SPINK6: variants seen among roughly 807,000 people sequenced by gnomAD.
SPINK6 encodes serine protease inhibitor Kazal-type 6.
A neutral mutation model predicts 11.7 loss-of-function variants in SPINK6; 13 were observed. That is an observed-to-expected ratio of 1.11 (90% CI 0.72 to 1.76). The LOEUF (loss-of-function observed/expected upper bound fraction) is 1.76, where lower values mean the gene tolerates loss of function less well. SPINK6 is among the 40% of genes most tolerant of loss of function. SPINK6 has a pLI of 0.00. For missense variants in SPINK6, 98 were observed against 93.7 expected (o/e 1.05, Z -0.19); for synonymous variants, 21 against 31.9 (o/e 0.66, Z 1.15).
chr5:148,212,538 AAG>A (rs369231333), intron 2 of SPINK6, among the ~76,000 whole-genome samples: 3 of 63,480 alleles, frequency 4.7e-5, no homozygotes, highest in South Asian at 4.6e-4. Flanking sequence ...TATTTTATAT[AAG>A]TATATATTTA....
intron 2 of SPINK6, among the ~76,000 whole-genome samples, chr5:148,211,106 TC>T (rs951379338): frequency 6.6e-6 from 1 of 151,954 alleles, no homozygotes; most frequent in Non-Finnish European, 1.5e-5. Flanking sequence ...AGCTCAAATT[TC>T]CAGAAGCAAT....
intron 2 of SPINK6, among the ~76,000 whole-genome samples, chr5:148,207,363 C>G (rs996680315): frequency 6.6e-6 from 1 of 151,216 alleles, no homozygotes; most frequent in African/African-American, 2.5e-5. Context: ...TTTTTTCTTA[C>G]AAACAGAGGT....
intron 2 of SPINK6, among the ~76,000 whole-genome samples, chr5:148,210,801 C>T (rs1396502093): frequency 6.6e-6 from 1 of 151,570 alleles, no homozygotes; most frequent in Non-Finnish European, 1.5e-5. Context: ...TTTAAAACAA[C>T]CAATAGATGT....
In SPINK6 at chr5:148,215,081, C is replaced by T. The variant is rs568835528; in HGVS notation, c.*131C>T. On this transcript the variant is annotated 3_prime_UTR_variant, in exon 4 of 4. Transcript: ENST00000325630. ...TACTCTGCCTGGGTCTTGAGGAGTT[C>T]AATGTATGTCTATTTCTCTTGATTC... 77 of 692,468 alleles carry T rather than the reference C, an allele frequency of 1.1e-4. No individual in the cohort carries two copies. The highest frequency in any genetic ancestry group is 1.5e-4 in the Non-Finnish European group (62 of 405,968). 42.9% of individuals were successfully genotyped at this position (692,468 alleles called of 1,614,324 possible). A position where few individuals can be genotyped will look rare whatever the true frequency, so the allele number is the denominator to read the frequency against.
chr5:148,206,070 T>C lies in SPINK6; in HGVS notation c.81+12T>C, dbSNP rs781689151. On this transcript the variant is annotated intron_variant, in intron 2 of 3. Transcript: ENST00000325630. ...GTCAGGGAGGACAGGTCAGTGCCTATTTTTATCTCTGCTTTCTGCCTGGGT... is the reference window on the plus strand; with the variant it reads ...GTCAGGGAGGACAGGTCAGTGCCTACTTTTATCTCTGCTTTCTGCCTGGGT... 14 of 1,613,866 alleles carry C rather than the reference T, an allele frequency of 8.7e-6. No individual in the cohort carries two copies. Among genetic ancestry groups the C allele is most frequent in the Non-Finnish European group, 1.1e-5 (13 of 1,179,900 alleles).
rs200465063 is a variant in SPINK6, at chr5:148,210,304, A to G, written c.82-3606A>G. Among the ~76,000 whole-genome samples the G allele has an allele frequency of 2.6e-3, 72 of 27,468 alleles. 28 individuals are homozygous for G. The East Asian group carries it at 0.087, about 33-fold the overall frequency. 18.0% of individuals were successfully genotyped at this position (27,468 alleles called of 152,430 possible). A position where few individuals can be genotyped will look rare whatever the true frequency, so the allele number is the denominator to read the frequency against. ...CATACATATATATGTATGTTTCTGCATACATATATATGTATGTGTTTCTGC... is the reference window on the plus strand; with the variant it reads ...CATACATATATATGTATGTTTCTGCGTACATATATATGTATGTGTTTCTGC... On this transcript the variant is annotated intron_variant, in intron 2 of 3. Coordinates refer to ENST00000325630, the MANE Select transcript of SPINK6 (RefSeq NM_205841.4).
At chr5:148,213,326 C>T (rs557212020) in intron 2 of SPINK6, among the ~76,000 whole-genome samples, 2 of 152,154 alleles carry the variant, frequency 1.3e-5, no homozygotes, top group Non-Finnish European at 2.9e-5. Flanking sequence ...ATTCTCCTGC[C>T]TCAGCCTCCC....
At chr5:148,203,438 A>C (rs1272879423) in intron 1 of SPINK6, among the ~76,000 whole-genome samples, 1 of 152,190 alleles carries the variant, frequency 6.6e-6, no homozygotes, top group Non-Finnish European at 1.5e-5. Flanking sequence ...TTCTTCATAT[A>C]AGAAACTGTG....
At chr5:148,204,813 A>G (rs1441861307) in intron 1 of SPINK6, among the ~76,000 whole-genome samples, 1 of 152,132 alleles carries the variant, frequency 6.6e-6, no homozygotes, top group Non-Finnish European at 1.5e-5. Flanking sequence ...TGCCTTGCCA[A>G]TTCCTACGTA....
chr5:148,208,777 T>C (rs953923810), intron 2 of SPINK6, among the ~76,000 whole-genome samples: 1 of 152,238 alleles, frequency 6.6e-6, no homozygotes, highest in East Asian at 1.9e-4. Flanking sequence ...AGTAATTTGT[T>C]GTATAGCGCC....
At chr5:148,207,408 T>G (rs1359201774) in intron 2 of SPINK6, among the ~76,000 whole-genome samples, 1 of 152,154 alleles carries the variant, frequency 6.6e-6, no homozygotes, top group East Asian at 1.9e-4. Flanking sequence ...TATTTCACAT[T>G]ATCTCATGGA....
chr5:148,207,792 C>A (rs1045954063), intron 2 of SPINK6, among the ~76,000 whole-genome samples: 128 of 152,142 alleles, frequency 8.4e-4, no homozygotes, highest in Non-Finnish European at 1.2e-3. Flanking sequence ...TGTGCCACTG[C>A]AGAGTGTTTT....
At chr5:148,213,642 A>G (rs1423689360) in intron 2 of SPINK6, among the ~76,000 whole-genome samples, 1 of 152,190 alleles carries the variant, frequency 6.6e-6, no homozygotes, top group African/African-American at 2.4e-5. Context: ...GCATTTGACT[A>G]CATCATTAAT....
At chr5:148,212,146 G>T (rs1334258549) in intron 2 of SPINK6, among the ~76,000 whole-genome samples, 1 of 152,002 alleles carries the variant, frequency 6.6e-6, no homozygotes, top group Non-Finnish European at 1.5e-5. Flanking sequence ...AACAGCTATA[G>T]TTGAAAGGAT....
intron 2 of SPINK6, among the ~76,000 whole-genome samples, chr5:148,210,645 T>C (rs1485289272): frequency 1.3e-5 from 2 of 151,646 alleles, no homozygotes; most frequent in Non-Finnish European, 2.9e-5. Context: ...TGACCATAAT[T>C]AATATTCAGG....
chr5:148,208,773 T>C (rs1028106023), intron 2 of SPINK6, among the ~76,000 whole-genome samples: 19 of 152,186 alleles, frequency 1.2e-4, no homozygotes, highest in African/African-American at 4.6e-4. Context: ...ATTAAGTAAT[T>C]TGTTGTATAG....
chr5:148,205,510 G>C (rs985631858), intron 1 of SPINK6, among the ~76,000 whole-genome samples: 1 of 152,140 alleles, frequency 6.6e-6, no homozygotes, highest in Non-Finnish European at 1.5e-5. Context: ...TGAATGAGTT[G>C]TTCCTTACCA....
At chr5:148,208,300 C>T (rs1306266327) in intron 2 of SPINK6, among the ~76,000 whole-genome samples, 2 of 152,172 alleles carry the variant, frequency 1.3e-5, no homozygotes, top group African/African-American at 4.8e-5. Flanking sequence ...GACAGGGAAG[C>T]TCCTATACTT....
At chr5:148,205,475 TA>T (rs1295404901) in intron 1 of SPINK6, among the ~76,000 whole-genome samples, 11 of 152,184 alleles carry the variant, frequency 7.2e-5, no homozygotes, top group Admixed American at 7.2e-4. Context: ...TAGAGAGATG[TA>T]AAAGGAGAAA....
Sources: gnomAD v4.1 joint callset for allele counts (sites outside exome capture counted in the v4.1 genomes callset) on GRCh38, gnomAD v4.1.1 for gene constraint, MANE v1.5 for transcripts, NCBI Gene and HGNC (gene_info 2026-07-23, HGNC 2026-07-21) for gene names.